Variants in ANAPC7 observed in about 807,000 individuals in gnomAD.
ANAPC7 encodes the protein anaphase promoting complex subunit 7.
In ANAPC7, 25 loss-of-function variants were observed where a neutral mutation model predicts 63.3. That is an observed-to-expected ratio of 0.39 (90% CI 0.29 to 0.55). ANAPC7 has a LOEUF of 0.55. ANAPC7 is among the 20% of genes least tolerant of loss of function. ANAPC7 has a pLI of 0.57. For missense variants in ANAPC7, 516 were observed against 691.7 expected (o/e 0.75, Z 2.85); for synonymous variants, 241 against 251.7 (o/e 0.96, Z 0.40).
rs2137982770 is a variant in ANAPC7, at chr12:110,396,082, A to G, written c.288+184T>C. ...GGGTTTGTGTTCCTATAAGAATCTA[A>G]TGCCGCAGCTGATCTGACAGGAGGC... On this transcript the variant is annotated intron_variant, in intron 2 of 10. Coordinates refer to ENST00000455511, the MANE Select transcript of ANAPC7 (RefSeq NM_016238.3). Among the ~76,000 whole-genome samples, 5 of 152,316 alleles carry G rather than the reference A, an allele frequency of 3.3e-5. No homozygotes were observed. The Middle Eastern group carries it at 0.017, about 518-fold the overall frequency.
intron 8 of ANAPC7, among the ~76,000 whole-genome samples, chr12:110,380,693 G>A (rs1192098084): frequency 2.7e-5 from 4 of 148,576 alleles, no homozygotes; most frequent in South Asian, 2.1e-4. Flanking sequence ...GGTGGCTCAC[G>A]CCTGTAATCC....
intron 1 of ANAPC7, among the ~76,000 whole-genome samples, chr12:110,401,593 T>C (rs1343977972): frequency 6.6e-6 from 1 of 151,924 alleles, no homozygotes; most frequent in Non-Finnish European, 1.5e-5. Context: ...CTTGGTGCAT[T>C]CAAATAACAC....
intron 3 of ANAPC7, among the ~76,000 whole-genome samples, chr12:110,391,894 C>T (rs1037515187): frequency 6.6e-5 from 10 of 152,084 alleles, no homozygotes; most frequent in African/African-American, 1.7e-4. Context: ...CAGATCGAGA[C>T]CATCCTGGCC....
intron 6 of ANAPC7, among the ~76,000 whole-genome samples, chr12:110,383,565 C>A (rs1413822851): frequency 6.6e-6 from 1 of 151,892 alleles, no homozygotes; most frequent in South Asian, 2.1e-4. Context: ...ATGGTGAGAC[C>A]CTGTCTCTAA....
At chr12:110,377,190 AG>A (rs1465135815) in intron 9 of ANAPC7, among the ~76,000 whole-genome samples, 2 of 151,838 alleles carry the variant, frequency 1.3e-5, no homozygotes, top group Non-Finnish European at 2.9e-5. Context: ...AACCAATTAT[AG>A]GTGGTTGGAA....
intron 5 of ANAPC7, 138 bp downstream of exon 5, chr12:110,387,601 A>G: frequency 2.0e-6 from 2 of 1,004,984 alleles, no homozygotes; most frequent in Middle Eastern, 3.4e-4. Context: ...ATTCAGTATA[A>G]AAGACTAACA....
At position 110,388,599 on chromosome 12, in the gene ANAPC7, A is replaced by G; in HGVS notation, c.433T>C (p.Tyr145His). The G allele has an allele frequency of 6.2e-7, 1 of 1,614,146 alleles. No individual in the cohort carries two copies. The highest frequency in any genetic ancestry group is 8.5e-7 in the Non-Finnish European group (1 of 1,180,006). ...PKINMMLANLYKKAGQERPSV... is the reference protein window; with the variant it reads ...PKINMMLANLHKKAGQERPSV... ...GGGCGCTCCTGACCAGCCTTCTTGT[A>G]CAGGTTTGCCAGCATCATGTTTATC... The change falls in exon 4 of 11, where the codon TAC becomes CAC. Residue 145 changes from tyrosine (Y) to histidine (H), a missense_variant. By Grantham distance (83) the Tyr-to-His change is moderately conservative (BLOSUM62 2). Coordinates refer to ENST00000455511, the MANE Select transcript of ANAPC7 (RefSeq NM_016238.3).
chr12:110,400,374 G>C (rs1326473109), intron 1 of ANAPC7, among the ~76,000 whole-genome samples: 2 of 152,180 alleles, frequency 1.3e-5, no homozygotes, highest in Non-Finnish European at 2.9e-5. Context: ...ATACTGATCT[G>C]CATGCCCCTT....
At chr12:110,376,293 G>A (rs1322598681) in intron 9 of ANAPC7, 77 bp from the exon 10 acceptor site, 7 of 1,532,486 alleles carry the variant, frequency 4.6e-6, no homozygotes, top group Non-Finnish European at 5.3e-6. Flanking sequence ...TCTCTTTGCA[G>A]ACATCCTCAA....
intron 1 of ANAPC7, among the ~76,000 whole-genome samples, chr12:110,396,756 C>T (rs1157848981): frequency 6.6e-6 from 1 of 151,848 alleles, no homozygotes; most frequent in Non-Finnish European, 1.5e-5. Context: ...CTCAAGTGAT[C>T]TACCTGCGTC....
chr12:110,382,025 A>G, intron 7 of ANAPC7, 77 bp from the exon 8 acceptor site: 1 of 1,378,264 alleles, frequency 7.3e-7, no homozygotes, highest in Admixed American at 2.7e-5. Context: ...AAGTTGATCC[A>G]AAAATCATAT....
At chr12:110,389,317 A>G (rs533984133) in intron 3 of ANAPC7, among the ~76,000 whole-genome samples, 4 of 152,180 alleles carry the variant, frequency 2.6e-5, no homozygotes, top group African/African-American at 9.6e-5. Flanking sequence ...TCACATAAGA[A>G]AGTGAGAAAC....
intron 1 of ANAPC7, among the ~76,000 whole-genome samples, chr12:110,397,787 C>A (rs555377537): frequency 6.6e-6 from 1 of 151,506 alleles, no homozygotes; most frequent in Non-Finnish European, 1.5e-5. Flanking sequence ...CCCACCTACT[C>A]GGGAGGTTGA....
intron 8 of ANAPC7, 129 bp downstream of exon 8, chr12:110,381,623 C>A: frequency 3.3e-6 from 3 of 915,626 alleles, no homozygotes; most frequent in Non-Finnish European, 4.9e-6. Flanking sequence ...GTGTGAGCCA[C>A]CACGTCCGGC....
At position 110,386,447 on chromosome 12, in the gene ANAPC7, A is replaced by G. The variant is rs1416445920; in HGVS notation, c.697T>C (p.Leu233=). 1 of 1,612,598 alleles carries G rather than the reference A, an allele frequency of 6.2e-7. No homozygotes were observed. Among genetic ancestry groups the G allele is most frequent in the Admixed American group, 1.7e-5 (1 of 59,550 alleles). The change falls in exon 6 of 11, where the codon TTG becomes CTG. Residue 233 remains leucine, a synonymous_variant. Transcript: ENST00000455511. ...TICSLEKKSL[L]RDNVDLLGSL... is the part of the protein sequence containing the mutation. ...CCCAATAGGTCCACGTTATCTCGCA[A>G]TAAGGATTTTTTCTCTAGTGAACTT... is the stretch of plus-strand genomic sequence containing the variant.
chr12:110,392,661 AG>A (rs985502742), intron 3 of ANAPC7, among the ~76,000 whole-genome samples: 4 of 152,274 alleles, frequency 2.6e-5, no homozygotes, highest in Non-Finnish European at 1.5e-5. Context: ...TAAAAGTAAC[AG>A]AAAAAATACT....
At chr12:110,380,550 C>T (rs1397415924) in intron 8 of ANAPC7, among the ~76,000 whole-genome samples, 1 of 150,162 alleles carries the variant, frequency 6.7e-6, no homozygotes, top group Non-Finnish European at 1.5e-5. Context: ...ACTTGGGAGG[C>T]TGAGGCAGGA....
intron 10 of ANAPC7, among the ~76,000 whole-genome samples, chr12:110,374,817 C>A (rs2137911581): frequency 6.6e-6 from 1 of 152,248 alleles, no homozygotes; most frequent in South Asian, 2.1e-4. Flanking sequence ...TCACGCTGTA[C>A]CATGGAACAG....
intron 4 of ANAPC7, 96 bp downstream of exon 4, chr12:110,388,416 T>C: frequency 1.1e-6 from 1 of 918,990 alleles, no homozygotes; most frequent in Non-Finnish European, 1.7e-6. Flanking sequence ...GGGGAACTTT[T>C]AAAAAAAATA....
Sources: allele counts gnomAD v4.1 joint callset (sites outside exome capture counted in the v4.1 genomes callset), GRCh38; gene constraint gnomAD v4.1.1; transcripts MANE v1.5; gene names NCBI Gene and HGNC (gene_info 2026-07-23, HGNC 2026-07-21).